The following GSPT1 variants were observed in gnomAD, a reference collection of about 807,000 sequenced individuals.
GSPT1 encodes the protein G1 to S phase transition 1.
A neutral mutation model predicts 72.5 loss-of-function variants in GSPT1; 20 were observed. The ratio of observed to expected loss-of-function variants is 0.28; its 90% CI spans 0.19 to 0.40. The LOEUF (loss-of-function observed/expected upper bound fraction) is 0.40. Among genes scored for constraint, GSPT1 ranks in the 10% least tolerant of loss-of-function variants. The pLI, the probability that GSPT1 is intolerant of heterozygous loss-of-function variation, is 1.00. For synonymous variants in GSPT1, 334 were observed against 293.5 expected, an observed-to-expected ratio of 1.14 and a Z score of -1.41; for missense variants, 580 against 811.9, an observed-to-expected ratio of 0.71 and a Z score of 3.47.
rs1293368783 is a variant in GSPT1 at position 11,868,358 on chromosome 16, T to G, written c.*4761A>C. 1 of 106,790 alleles carries G rather than the reference T, an allele frequency of 9.4e-6. No individual in the cohort carries two copies. The highest frequency in any genetic ancestry group is 2.0e-5 in the Non-Finnish European group (1 of 49,628). 6.6% of individuals were successfully genotyped at this position (106,790 alleles called of 1,614,324 possible). The stretch of plus-strand genomic sequence containing the variant: ...AAACCTGATCAGTTCCCTTTAATCC[T>G]GTTTTTTTTTTTTTTTTTTAAATGA... On this transcript the variant is annotated 3_prime_UTR_variant, in exon 15 of 15. Coordinates refer to ENST00000434724, the MANE Select transcript of GSPT1 (RefSeq NM_002094.4).
At chr16:11,901,620 A>AATATAT (rs113206101) in intron 1 of GSPT1, among the ~76,000 whole-genome samples, 2,001 of 147,190 alleles carry the variant, frequency 0.014, 21 homozygotes, top group South Asian at 0.025. Context: ...CACACACAAA[A>AATATAT]ATATATATAT....
In GSPT1 at chr16:11,915,572, AG is replaced by A; in HGVS notation, c.148del (p.Leu50TrpfsTer97). The A allele has an allele frequency of 6.7e-7, 1 of 1,488,360 alleles. No individual in the cohort carries two copies. Among genetic ancestry groups the A allele is most frequent in the Non-Finnish European group, 8.9e-7 (1 of 1,119,824 alleles). The allele number at this position is 1,488,360 out of a possible 1,614,324, so 92.2% of individuals were successfully genotyped here. On this transcript the variant is annotated frameshift_variant, in exon 1 of 15. Transcript: ENST00000434724. LOFTEE classifies it high-confidence loss of function. The part of the protein sequence containing the change: ...GPGPCGGGGS[L>X]AAAAEAQREN... The stretch of plus-strand genomic sequence containing the variant: ...CCGCTGGGCCTCGGCCGCCGCCGCC[AG>A]GGAGCCGCCGCCGCCGCAAGGGCCC...
chr16:11,878,810 C>T (rs750107439), intron 11 of GSPT1, among the ~76,000 whole-genome samples: 2 of 151,874 alleles, frequency 1.3e-5, no homozygotes, highest in Non-Finnish European at 2.9e-5. Context: ...CAGTGGCTCA[C>T]GCCTCAGCAT....
intron 1 of GSPT1, among the ~76,000 whole-genome samples, chr16:11,898,560 T>C (rs1341474465): frequency 6.6e-6 from 1 of 150,922 alleles, no homozygotes; most frequent in Non-Finnish European, 1.5e-5. Flanking sequence ...CAAGCGATTC[T>C]CCTGCCTCAG....
chr16:11,899,741 T>C (rs1031175258), intron 1 of GSPT1, among the ~76,000 whole-genome samples: 1 of 152,174 alleles, frequency 6.6e-6, no homozygotes, highest in African/African-American at 2.4e-5. Flanking sequence ...AGCCAGGTAG[T>C]ACTGAGAGTA....
intron 11 of GSPT1, chr16:11,882,258 C>T (rs550030085): frequency 6.6e-6 from 1 of 152,320 alleles, no homozygotes; most frequent in South Asian, 2.1e-4. Flanking sequence ...AAAACAACAA[C>T]AGCAGCAACA....
chr16:11,898,177 G>A (rs936067921), intron 1 of GSPT1, 142 bp from the exon 2 acceptor site: 4 of 612,796 alleles, frequency 6.5e-6, no homozygotes, highest in African/African-American at 3.7e-5. Flanking sequence ...AGCTAACTCA[G>A]GCCTTCAAGT....
chr16:11,896,905 A>T (rs1037105256), intron 3 of GSPT1, 120 bp from the exon 4 acceptor site: 2 of 679,318 alleles, frequency 2.9e-6, no homozygotes, highest in African/African-American at 3.6e-5. Context: ...CCTAATGCCT[A>T]GTGACACATA....
intron 1 of GSPT1, chr16:11,908,323 T>G (rs1388065811): frequency 6.7e-6 from 1 of 149,634 alleles, no homozygotes; most frequent in Admixed American, 6.7e-5. Context: ...CTCAAAAAAG[T>G]ACAAAAATAA....
chr16:11,898,234 C>A (rs2054364161), intron 1 of GSPT1, among the ~76,000 whole-genome samples, 199 bp from the exon 2 acceptor site: 1 of 152,112 alleles, frequency 6.6e-6, no homozygotes. Context: ...CTAATTACAG[C>A]CAATTTTGAA....
chr16:11,914,161 G>C (rs563863108), intron 1 of GSPT1, among the ~76,000 whole-genome samples: 29 of 152,314 alleles, frequency 1.9e-4, no homozygotes, highest in African/African-American at 6.0e-4. Context: ...ATGAAAGGAC[G>C]TTCAGCCTTT....
intron 12 of GSPT1, among the ~76,000 whole-genome samples, chr16:11,876,742 C>G (rs1300892272): frequency 1.3e-5 from 2 of 152,094 alleles, no homozygotes; most frequent in Non-Finnish European, 2.9e-5. Flanking sequence ...GACCCCATCT[C>G]CAAACAAAAC....
Position 11,877,812 on chromosome 16 carries a change from C to A in GSPT1, c.1429-232G>T, listed in dbSNP as rs2054066606. On this transcript the variant is annotated intron_variant, in intron 11 of 14. Transcript: ENST00000434724. This position sits in a 1 kb window ranked among gnomAD's most constrained non-coding sequence, Gnocchi z 4.0. ...CACCTTTTAAATATCACATTCTAAT[C>A]ATTTCCAACTAGAACACTGTATACA... 6.6e-6 allele frequency among the ~76,000 whole-genome samples: 1 copy of A among 152,194 alleles called. No homozygotes were observed. Among genetic ancestry groups the A allele is most frequent in the Admixed American group, 6.5e-5 (1 of 15,276 alleles).
chr16:11,874,303 A>T (rs953590853), intron 14 of GSPT1, among the ~76,000 whole-genome samples: 3 of 152,182 alleles, frequency 2.0e-5, no homozygotes, highest in African/African-American at 4.8e-5. Context: ...TAAAAAAAAA[A>T]ATCCCAAAAC....
At position 11,899,072 on chromosome 16, in the gene GSPT1, A is replaced by T. The variant is rs146228077; in HGVS notation, c.353-1037T>A. On this transcript the variant is annotated intron_variant, in intron 1 of 14. Coordinates refer to ENST00000434724, the MANE Select transcript of GSPT1 (RefSeq NM_002094.4). ...GTTTGTCAGATACAGACAAACCTAA[A>T]TTATACTCCAATATGAACGTGCCCC... 3.3e-5 allele frequency among the ~76,000 whole-genome samples: 5 copies of T among 152,334 alleles called. No homozygotes were observed. The East Asian group carries it at 9.6e-4, about 29-fold the overall frequency.
At chr16:11,880,861 G>A (rs1297332191) in intron 11 of GSPT1, among the ~76,000 whole-genome samples, 2 of 152,122 alleles carry the variant, frequency 1.3e-5, no homozygotes, top group African/African-American at 4.8e-5. Context: ...TCCGTAGGTT[G>A]CCAACCCCAT....
chr16:11,884,468 A>T (rs1442194203), intron 10 of GSPT1, among the ~76,000 whole-genome samples: 3 of 152,216 alleles, frequency 2.0e-5, no homozygotes, highest in Non-Finnish European at 4.4e-5. Flanking sequence ...TGTTGTTAAT[A>T]AAGTTTTTGG....
At position 11,904,159 on chromosome 16, in the gene GSPT1, G is replaced by T. The variant is rs17236642; in HGVS notation, c.353-6124C>A. The stretch of plus-strand genomic sequence containing the variant: ...CCATGGTAGTTACTGTCCTTGATAC[G>T]TATGCCAACCTCAACACCAACATCA... On this transcript the variant is annotated intron_variant, in intron 1 of 14. Transcript: ENST00000434724. 39 of 210,552 alleles carry T rather than the reference G, an allele frequency of 1.9e-4. No homozygotes were observed. The East Asian group carries it at 4.3e-3, about 23-fold the overall frequency. The allele number at this position is 210,552 out of a possible 1,614,324, so 13.0% of individuals were successfully genotyped here.
At position 11,872,405 on chromosome 16, in the gene GSPT1, A is replaced by G. The variant is rs2053989149; in HGVS notation, c.*714T>C. The G allele has an allele frequency of 6.7e-6, 1 of 149,860 alleles. No homozygotes were observed. 9.3% of individuals were successfully genotyped at this position (149,860 alleles called of 1,614,324 possible). On this transcript the variant is annotated 3_prime_UTR_variant, in exon 15 of 15. Coordinates refer to ENST00000434724, the MANE Select transcript of GSPT1 (RefSeq NM_002094.4). ...GCAAAAAAAAAAAAAATAAATAAAT[A>G]ACTAAAAGACCTAGTAAAGCAGTGT...
Sources: allele counts gnomAD v4.1 joint callset (sites outside exome capture counted in the v4.1 genomes callset), GRCh38; gene constraint gnomAD v4.1.1; non-coding constraint Gnocchi (gnomAD v3.1); transcripts MANE v1.5; gene names NCBI Gene and HGNC (gene_info 2026-07-23, HGNC 2026-07-21).